Variants in MMP16 observed in about 807,000 individuals in gnomAD.
MMP16 encodes matrix metalloproteinase-16.
In MMP16, 12 loss-of-function variants were observed where a neutral mutation model predicts 67.8. That is an observed-to-expected ratio of 0.18 (90% CI 0.11 to 0.29). The LOEUF (loss-of-function observed/expected upper bound fraction) is 0.29, where lower values mean the gene tolerates loss of function less well. Ranked by LOEUF, MMP16 falls within the 10% of genes least tolerant of loss-of-function variation. The probability of loss-of-function intolerance (pLI) is 1.00; values close to 1 mark genes in which losing one functional copy is unlikely to be tolerated. For synonymous variants in MMP16, 249 were observed against 255.9 expected (o/e 0.97, Z 0.26); for missense variants, 475 against 765.7 (o/e 0.62, Z 4.48).
At position 88,112,675 on chromosome 8, in the gene MMP16, G is replaced by GTGTGTGTGTGTC. The variant is rs774333204; in HGVS notation, c.1083+3831_1083+3832insGACACACACACA. ...TGCATAAGGACAGAAGGGTGTGTGT[G>GTGTGTGTGTGTC]TGTGTGTGTCTGTGTGTATGTATGT... is the stretch of plus-strand genomic sequence containing the variant. On this transcript the variant is annotated intron_variant, in intron 6 of 9. Transcript: ENST00000286614. Among the ~76,000 whole-genome samples, 50 of 148,738 alleles carry GTGTGTGTGTGTC rather than the reference G, an allele frequency of 3.4e-4. No individual in the cohort carries two copies. The South Asian group carries it at 0.011, about 31-fold the overall frequency.
intron 4 of MMP16, among the ~76,000 whole-genome samples, chr8:88,160,414 T>C (rs1043551964): frequency 2.0e-5 from 3 of 151,882 alleles, no homozygotes; most frequent in Non-Finnish European, 2.9e-5. Flanking sequence ...CTATTGTGAA[T>C]AGTGACGCAA....
chr8:88,282,998 T>C (rs1206605579), intron 1 of MMP16, among the ~76,000 whole-genome samples: 1 of 152,104 alleles, frequency 6.6e-6, no homozygotes, highest in African/African-American at 2.4e-5. Flanking sequence ...TTCAACGTGA[T>C]GTGGTATTGA....
At chr8:88,163,096 C>A (rs1460824591) in intron 4 of MMP16, among the ~76,000 whole-genome samples, 3 of 152,038 alleles carry the variant, frequency 2.0e-5, no homozygotes, top group African/African-American at 7.2e-5. Context: ...TTAGGCACAC[C>A]TGTGCAGACG....
intron 6 of MMP16, among the ~76,000 whole-genome samples, chr8:88,114,760 C>T (rs1809400488): frequency 6.6e-6 from 1 of 151,880 alleles, no homozygotes; most frequent in African/African-American, 2.4e-5. Flanking sequence ...AAACTCTGTC[C>T]TGTCAGGAAT....
chr8:88,292,312 A>C (rs1810938229), intron 1 of MMP16, among the ~76,000 whole-genome samples: 2 of 152,166 alleles, frequency 1.3e-5, no homozygotes, highest in Admixed American at 6.5e-5. Flanking sequence ...GGGATTATGG[A>C]TCCCCTTGAG....
At chr8:88,289,049 C>A (rs1186925111) in intron 1 of MMP16, among the ~76,000 whole-genome samples, 1 of 151,914 alleles carries the variant, frequency 6.6e-6, no homozygotes, top group African/African-American at 2.4e-5. Context: ...AATACTTGAC[C>A]CCAAGTATGG....
intron 1 of MMP16, among the ~76,000 whole-genome samples, chr8:88,324,568 T>G (rs1482369233): frequency 1.3e-5 from 2 of 152,132 alleles, no homozygotes; most frequent in Non-Finnish European, 2.9e-5. Context: ...GAAAAAAAAT[T>G]TTATGATCAT....
intron 1 of MMP16, among the ~76,000 whole-genome samples, chr8:88,204,738 T>C (rs1416015370): frequency 6.6e-6 from 1 of 152,176 alleles, no homozygotes; most frequent in Non-Finnish European, 1.5e-5. Context: ...TGATAGAAAC[T>C]ACTTTATTTC....
intron 1 of MMP16, among the ~76,000 whole-genome samples, chr8:88,265,243 T>TC (rs1554589927): frequency 1.3e-5 from 2 of 149,170 alleles, no homozygotes; most frequent in Admixed American, 6.7e-5. Context: ...TTTTTTTTTT[T>TC]CAGATACAGA....
At chr8:88,221,509 C>T (rs978309661) in intron 1 of MMP16, among the ~76,000 whole-genome samples, 1 of 151,850 alleles carries the variant, frequency 6.6e-6, no homozygotes, top group Non-Finnish European at 1.5e-5. Context: ...AGTAACTGCA[C>T]AAAAATGTCA....
chr8:88,163,037 T>C (rs1454627500), intron 4 of MMP16, among the ~76,000 whole-genome samples: 4 of 152,080 alleles, frequency 2.6e-5, no homozygotes, highest in East Asian at 3.9e-4. Context: ...AGAAACATTA[T>C]ATAGCAGTGC....
rs541984320 is a variant in MMP16 at position 88,294,520 on chromosome 8, A to G, written c.132+32555T>C. On this transcript the variant is annotated intron_variant, in intron 1 of 9. Transcript: ENST00000286614. ...CATATGTATATGTCTCTACACACAC[A>G]TGTATATGTCTCTATACACATATAT... is the stretch of plus-strand genomic sequence containing the variant. Among the ~76,000 whole-genome samples, 474 of 142,010 alleles carry G rather than the reference A, an allele frequency of 3.3e-3. 2 individuals are homozygous for G. The highest frequency in any genetic ancestry group is 0.012 in the African/African-American group (448 of 36,706). The allele number at this position is 142,010 out of a possible 152,430, so 93.2% of individuals were successfully genotyped here. A position where few individuals can be genotyped will look rare whatever the true frequency, so the allele number is the denominator to read the frequency against.
chr8:88,115,141 A>C (rs751451333), intron 6 of MMP16, among the ~76,000 whole-genome samples: 3 of 152,030 alleles, frequency 2.0e-5, no homozygotes, highest in Admixed American at 6.6e-5. Context: ...TTTTGGTGTT[A>C]TTATTATGGT....
intron 1 of MMP16, among the ~76,000 whole-genome samples, chr8:88,210,155 A>G (rs1190888210): frequency 1.3e-5 from 2 of 152,150 alleles, no homozygotes; most frequent in African/African-American, 4.8e-5. Context: ...TCTGCTCTTT[A>G]AATGCCACCC....
At chr8:88,282,085 G>GTT (rs1018710347) in intron 1 of MMP16, among the ~76,000 whole-genome samples, 4 of 142,200 alleles carry the variant, frequency 2.8e-5, no homozygotes, top group African/African-American at 1.1e-4. Flanking sequence ...TCTTTTTTGG[G>GTT]GGGGGGGGGG....
intron 7 of MMP16, among the ~76,000 whole-genome samples, chr8:88,063,594 G>T (rs1808428535): frequency 6.8e-6 from 1 of 147,016 alleles, no homozygotes. Flanking sequence ...GCATTATATT[G>T]TTCAGATGTA....
chr8:88,304,431 C>T (rs1434484798), intron 1 of MMP16, among the ~76,000 whole-genome samples: 2 of 152,138 alleles, frequency 1.3e-5, no homozygotes, highest in African/African-American at 4.8e-5. Context: ...CATTCAAATT[C>T]AGGAACTGCA....
At chr8:88,046,586 T>C in intron 9 of MMP16, 83 bp downstream of exon 9, 3 of 806,140 alleles carry the variant, frequency 3.7e-6, no homozygotes, top group Non-Finnish European at 5.9e-6. Flanking sequence ...CACTTTCCAA[T>C]GGCTTAATTT....
intron 2 of MMP16, among the ~76,000 whole-genome samples, chr8:88,188,262 T>C (rs114774380): frequency 0.034 from 5,162 of 152,274 alleles, 279 homozygotes; most frequent in African/African-American, 0.12. Context: ...TGCTTTTATA[T>C]ATGGGTATTA....
Sources: gnomAD v4.1 joint callset for allele counts (sites outside exome capture counted in the v4.1 genomes callset) on GRCh38, gnomAD v4.1.1 for gene constraint, MANE v1.5 for transcripts, NCBI Gene and HGNC (gene_info 2026-07-23, HGNC 2026-07-21) for gene names.